The following CACNA2D3 variants were observed in gnomAD, a reference collection of about 807,000 sequenced individuals.
CACNA2D3 encodes voltage-dependent calcium channel subunit alpha-2/delta-3.
CACNA2D3 carries 60 observed loss-of-function variants against 160.6 expected under a neutral mutation model. That is an observed-to-expected ratio of 0.37 (90% CI 0.30 to 0.46). The LOEUF (loss-of-function observed/expected upper bound fraction) is 0.46. Ranked by LOEUF, CACNA2D3 falls within the 20% of genes least tolerant of loss-of-function variation. The pLI, the probability that CACNA2D3 is intolerant of heterozygous loss-of-function variation, is 1.00. For missense variants in CACNA2D3, 1,205 were observed against 1,365.0 expected (o/e 0.88, Z 1.85); for synonymous variants, 558 against 492.9 (o/e 1.13, Z -1.75).
intron 2 of CACNA2D3, among the ~76,000 whole-genome samples, chr3:54,150,708 A>T (rs1393504404): frequency 6.6e-6 from 1 of 152,384 alleles, no homozygotes; most frequent in East Asian, 1.9e-4. Flanking sequence ...ACATGAAAAC[A>T]AAAATACTAG....
intron 2 of CACNA2D3, among the ~76,000 whole-genome samples, chr3:54,244,542 G>A (rs1392777784): frequency 6.6e-6 from 1 of 152,138 alleles, no homozygotes; most frequent in Non-Finnish European, 1.5e-5. Context: ...CTCTTGATCT[G>A]GGGTAATGCC....
At chr3:55,010,100 C>T (rs139089284) in intron 34 of CACNA2D3, among the ~76,000 whole-genome samples, 41 of 152,174 alleles carry the variant, frequency 2.7e-4, no homozygotes, top group African/African-American at 9.4e-4. Context: ...AATCATATTA[C>T]GTGCTGACCA....
intron 35 of CACNA2D3, among the ~76,000 whole-genome samples, chr3:55,033,544 C>A (rs1393286457): frequency 7.0e-6 from 1 of 143,788 alleles, no homozygotes; most frequent in Non-Finnish European, 1.5e-5. Context: ...TTTTATTTCA[C>A]CCGATATGTC....
chr3:54,385,985 G>A (rs35461210), intron 3 of CACNA2D3: 42,864 of 501,240 alleles, frequency 0.086, 2,252 homozygotes, highest in East Asian at 0.17. Context: ...CTTATTGTAG[G>A]CAAAATCAAA....
At chr3:54,230,701 A>G (rs891253143) in intron 2 of CACNA2D3, among the ~76,000 whole-genome samples, 3 of 152,240 alleles carry the variant, frequency 2.0e-5, no homozygotes, top group Non-Finnish European at 4.4e-5. Context: ...TGTTACCTCC[A>G]CAGTCTTATA....
chr3:54,987,414 A>C (rs902660710), intron 30 of CACNA2D3, among the ~76,000 whole-genome samples: 4 of 152,176 alleles, frequency 2.6e-5, no homozygotes, highest in Non-Finnish European at 5.9e-5. Flanking sequence ...GTGTGTGTGC[A>C]CATGTGTGTG....
intron 4 of CACNA2D3, among the ~76,000 whole-genome samples, chr3:54,479,381 C>G (rs1342534990): frequency 2.0e-5 from 3 of 152,148 alleles, no homozygotes; most frequent in African/African-American, 7.2e-5. Context: ...TTCATGATTT[C>G]AGACATTGAC....
chr3:54,243,917 CT>C (rs1426775550), intron 2 of CACNA2D3, among the ~76,000 whole-genome samples: 2 of 152,214 alleles, frequency 1.3e-5, no homozygotes, highest in African/African-American at 4.8e-5. Context: ...TCTGCAGACC[CT>C]TTCTGAATTG....
chr3:54,622,920 C>A (rs2106807670), intron 9 of CACNA2D3, among the ~76,000 whole-genome samples: 1 of 152,278 alleles, frequency 6.6e-6, no homozygotes, highest in South Asian at 2.1e-4. Flanking sequence ...CAGTCTAGCA[C>A]AGGCGCGGTA....
At chr3:54,755,947 T>C (rs72874207) in intron 12 of CACNA2D3, among the ~76,000 whole-genome samples, 7,647 of 152,272 alleles carry the variant, frequency 0.05, 685 homozygotes, top group African/African-American at 0.17. Flanking sequence ...ATTACTGAAA[T>C]TGAAGTCTTG....
At chr3:55,034,639 T>TA in intron 35 of CACNA2D3, among the ~76,000 whole-genome samples, 1 of 152,090 alleles carries the variant, frequency 6.6e-6, no homozygotes, top group Admixed American at 6.5e-5. Flanking sequence ...CTTTCTGGTT[T>TA]TTTTTCAAAA....
chr3:54,989,280 G>A (rs138276222), intron 31 of CACNA2D3, among the ~76,000 whole-genome samples: 2 of 152,242 alleles, frequency 1.3e-5, no homozygotes, highest in African/African-American at 4.8e-5. Flanking sequence ...CTGTTTGGTG[G>A]GAGAAAGAGA....
chr3:54,877,847 G>A (rs1337955597), intron 18 of CACNA2D3, among the ~76,000 whole-genome samples: 1 of 151,954 alleles, frequency 6.6e-6, no homozygotes, highest in Non-Finnish European at 1.5e-5. Context: ...ACCAGAAAGA[G>A]GAAAAATGAA....
At chr3:54,294,897 G>GA (rs1462744912) in intron 2 of CACNA2D3, among the ~76,000 whole-genome samples, 3 of 152,136 alleles carry the variant, frequency 2.0e-5, no homozygotes, top group Admixed American at 6.5e-5. Flanking sequence ...AATGTAGGGA[G>GA]AGACTGTATG....
intron 2 of CACNA2D3, among the ~76,000 whole-genome samples, chr3:54,190,477 C>T (rs1700958938): frequency 6.6e-6 from 1 of 152,234 alleles, no homozygotes; most frequent in Non-Finnish European, 1.5e-5. Flanking sequence ...AGCACACACA[C>T]CACTTTCCAC....
At chr3:54,756,615 G>A (rs969650966) in intron 12 of CACNA2D3, among the ~76,000 whole-genome samples, 5 of 152,100 alleles carry the variant, frequency 3.3e-5, no homozygotes, top group African/African-American at 4.8e-5. Flanking sequence ...AAGGAGCGTC[G>A]AAGGAGGCAG....
intron 10 of CACNA2D3, among the ~76,000 whole-genome samples, chr3:54,633,984 A>G (rs895875921): frequency 6.6e-6 from 1 of 152,124 alleles, no homozygotes; most frequent in Non-Finnish European, 1.5e-5. Flanking sequence ...GTGTCTCAGT[A>G]TGGCCATAAG....
intron 5 of CACNA2D3, among the ~76,000 whole-genome samples, chr3:54,548,119 A>G (rs1702095000): frequency 6.6e-6 from 1 of 152,168 alleles, no homozygotes; most frequent in South Asian, 2.1e-4. Flanking sequence ...GGAGCTGAGA[A>G]GCTTTGCTGC....
chr3:54,592,321 A>G (rs978206295), intron 9 of CACNA2D3, among the ~76,000 whole-genome samples: 1 of 152,180 alleles, frequency 6.6e-6, no homozygotes, highest in Admixed American at 6.5e-5. Context: ...TTTTGCTTGA[A>G]ATAGCCCACA....
Sources: gnomAD v4.1 joint callset for allele counts (sites outside exome capture counted in the v4.1 genomes callset) on GRCh38, gnomAD v4.1.1 for gene constraint, MANE v1.5 for transcripts, NCBI Gene and HGNC (gene_info 2026-07-23, HGNC 2026-07-21) for gene names.